SELENOI: variants seen among roughly 807,000 people sequenced by gnomAD.
SELENOI encodes ethanolaminephosphotransferase 1.
SELENOI carries 24 observed loss-of-function variants against 50.7 expected under a neutral mutation model. The ratio of observed to expected loss-of-function variants is 0.47; its 90% CI spans 0.34 to 0.67. The LOEUF (loss-of-function observed/expected upper bound fraction) is 0.67. Ranked by LOEUF, SELENOI falls within the 30% of genes least tolerant of loss-of-function variation. The probability of loss-of-function intolerance (pLI) is 0.01; values close to 1 mark genes in which losing one functional copy is unlikely to be tolerated. For missense variants in SELENOI, 352 were observed against 461.4 expected, an observed-to-expected ratio of 0.76 and a Z score of 2.17; for synonymous variants, 155 against 170.2, an observed-to-expected ratio of 0.91 and a Z score of 0.70.
chr2:26,370,713 C>T (rs1385940467), intron 4 of SELENOI, among the ~76,000 whole-genome samples: 3 of 142,588 alleles, frequency 2.1e-5, no homozygotes, highest in Middle Eastern at 7.2e-3. Flanking sequence ...CCTCACCTCC[C>T]GGACGGGGCG....
rs372398913 is a variant in SELENOI, at chr2:26,349,670, G to GTTTTTTT, written c.57+3394_57+3400dup. ...TATCTAAGGGTGAAACTGCAAGTTG[G>GTTTTTTT]TTTTTTTTTTTTTTTTTTTGTCCTG... On this transcript the variant is annotated intron_variant, in intron 1 of 9. Coordinates refer to ENST00000260585, the MANE Select transcript of SELENOI (RefSeq NM_033505.4). Among the ~76,000 whole-genome samples the GTTTTTTT allele has an allele frequency of 1.5e-4, 17 of 115,160 alleles. 2 individuals carry two copies. Among genetic ancestry groups the GTTTTTTT allele is most frequent in the African/African-American group, 2.0e-4 (6 of 29,910 alleles). 75.5% of individuals were successfully genotyped at this position (115,160 alleles called of 152,430 possible). A position where few individuals can be genotyped will look rare whatever the true frequency, so the allele number is the denominator to read the frequency against.
At chr2:26,349,349 C>T (rs1158885589) in intron 1 of SELENOI, among the ~76,000 whole-genome samples, 1 of 150,186 alleles carries the variant, frequency 6.7e-6, no homozygotes, top group African/African-American at 2.5e-5. Flanking sequence ...TTTTGTCGCC[C>T]AGGCTGGAGT....
Position 26,375,160 on chromosome 2 carries a change from CA to C in SELENOI, c.682+13del. 1 of 1,510,426 alleles carries C rather than the reference CA, an allele frequency of 6.6e-7. No homozygotes were observed. The highest frequency in any genetic ancestry group is 1.4e-5 in the African/African-American group (1 of 72,418). 93.6% of individuals were successfully genotyped at this position (1,510,426 alleles called of 1,614,324 possible). ...TGCAATGATTATTGGTAAGAAGCTCCATGTTGAAGCCTGTTTTAACCATCAC... is the reference window on the plus strand; with the variant it reads ...TGCAATGATTATTGGTAAGAAGCTCCTGTTGAAGCCTGTTTTAACCATCAC... On this transcript the variant is annotated intron_variant, in intron 6 of 9. Transcript: ENST00000260585.
chr2:26,353,882 AAG>A (rs1677010060), intron 1 of SELENOI, among the ~76,000 whole-genome samples: 1 of 152,200 alleles, frequency 6.6e-6, no homozygotes, highest in African/African-American at 2.4e-5. Context: ...TTTGCTAAAT[AAG>A]AGTTTGCCTA....
At chr2:26,357,585 T>G (rs202089560) in intron 1 of SELENOI, among the ~76,000 whole-genome samples, 1 of 152,234 alleles carries the variant, frequency 6.6e-6, no homozygotes, top group East Asian at 1.9e-4. Flanking sequence ...TCCTTGCCTC[T>G]ATTTCAGCTT....
intron 1 of SELENOI, among the ~76,000 whole-genome samples, chr2:26,362,680 C>T (rs183780616): frequency 1.3e-5 from 2 of 152,038 alleles, no homozygotes; most frequent in South Asian, 2.1e-4. Flanking sequence ...TGGTTGAACT[C>T]AGGAGGCGGA....
intron 6 of SELENOI, among the ~76,000 whole-genome samples, chr2:26,377,595 G>A (rs1428463294): frequency 3.3e-5 from 5 of 151,772 alleles, no homozygotes; most frequent in Admixed American, 6.6e-5. Context: ...TTGTGCCACT[G>A]TACTCCAGCC....
intron 1 of SELENOI, among the ~76,000 whole-genome samples, chr2:26,353,788 A>C (rs1180035508): frequency 6.6e-6 from 1 of 152,166 alleles, no homozygotes; most frequent in East Asian, 1.9e-4. Flanking sequence ...CTTGAATTGG[A>C]TCTTTTACTG....
At chr2:26,386,260 A>G in intron 8 of SELENOI, 94 bp from the exon 9 acceptor site, 1 of 1,238,668 alleles carries the variant, frequency 8.1e-7, no homozygotes, top group Non-Finnish European at 1.1e-6. Context: ...AGGTACTTGA[A>G]TGCTTTTCAA....
At chr2:26,374,546 A>G (rs560660883) in intron 5 of SELENOI, among the ~76,000 whole-genome samples, 1 of 149,894 alleles carries the variant, frequency 6.7e-6, no homozygotes, top group African/African-American at 2.5e-5. Flanking sequence ...ATTTTATAGC[A>G]TTGTTGGCTA....
chr2:26,377,581 G>A (rs1289254530), intron 6 of SELENOI, among the ~76,000 whole-genome samples: 1 of 151,948 alleles, frequency 6.6e-6, no homozygotes, highest in Non-Finnish European at 1.5e-5. Context: ...GCAGTGAGCT[G>A]TAATTGTGCC....
chr2:26,362,713 G>A (rs1038652086), intron 1 of SELENOI, among the ~76,000 whole-genome samples: 1 of 151,838 alleles, frequency 6.6e-6, no homozygotes, highest in African/African-American at 2.4e-5. Flanking sequence ...CTGAGATCGC[G>A]CCACTGCATT....
chr2:26,355,659 G>A (rs1490127605), intron 1 of SELENOI, among the ~76,000 whole-genome samples: 1 of 150,560 alleles, frequency 6.6e-6, no homozygotes, highest in African/African-American at 2.4e-5. Flanking sequence ...AGATGTAAAC[G>A]ACGGTATTCA....
At chr2:26,379,920 G>A (rs1307778902) in intron 6 of SELENOI, among the ~76,000 whole-genome samples, 1 of 152,052 alleles carries the variant, frequency 6.6e-6, no homozygotes, top group African/African-American at 2.4e-5. Flanking sequence ...AACAGTCTCC[G>A]AATACAGTAC....
In SELENOI at chr2:26,390,860, T is replaced by C. The variant is rs913827912; in HGVS notation, c.*1757T>C. The C allele has an allele frequency of 5.9e-5, 9 of 152,360 alleles. No homozygotes were observed. The highest frequency in any genetic ancestry group is 2.2e-4 in the African/African-American group (9 of 41,584). The allele number at this position is 152,360 out of a possible 1,614,324, so 9.4% of individuals were successfully genotyped here. ...CCTTGTTCTTTGTGATCTATAAAAT[T>C]AAACTGGATAAAATGTTAATTGGGG... On this transcript the variant is annotated 3_prime_UTR_variant, in exon 10 of 10. Transcript: ENST00000260585.
At chr2:26,363,315 T>A (rs1677220876) in intron 1 of SELENOI, among the ~76,000 whole-genome samples, 1 of 152,196 alleles carries the variant, frequency 6.6e-6, no homozygotes. Flanking sequence ...GCAGAGAGAT[T>A]AAGTAACTTG....
intron 4 of SELENOI, among the ~76,000 whole-genome samples, chr2:26,367,609 T>C (rs965082218): frequency 6.6e-6 from 1 of 152,248 alleles, no homozygotes; most frequent in Admixed American, 6.5e-5. Context: ...ATATTTATCA[T>C]GCGGCCTTTA....
At chr2:26,351,436 C>T (rs746970038) in intron 1 of SELENOI, among the ~76,000 whole-genome samples, 2 of 152,204 alleles carry the variant, frequency 1.3e-5, no homozygotes, top group African/African-American at 4.8e-5. Flanking sequence ...AATATCATAG[C>T]ACTTTCTACC....
chr2:26,361,290 A>C (rs1483801197), intron 1 of SELENOI, among the ~76,000 whole-genome samples: 1 of 152,234 alleles, frequency 6.6e-6, no homozygotes, highest in Non-Finnish European at 1.5e-5. Context: ...GAACATCCAC[A>C]GAGAGTCCTG....
Sources: gnomAD v4.1 joint callset for allele counts (sites outside exome capture counted in the v4.1 genomes callset) on GRCh38, gnomAD v4.1.1 for gene constraint, MANE v1.5 for transcripts, NCBI Gene and HGNC (gene_info 2026-07-23, HGNC 2026-07-21) for gene names.